GALNT18: variants seen among roughly 807,000 people sequenced by gnomAD.
The protein encoded by GALNT18 is GalNAc-transferase 18.
In GALNT18, 44 loss-of-function variants were observed where a neutral mutation model predicts 69.5. The ratio of observed to expected loss-of-function variants is 0.63; its 90% CI spans 0.50 to 0.81. The LOEUF (loss-of-function observed/expected upper bound fraction) is 0.81. GALNT18 is among the 40% of genes least tolerant of loss of function. GALNT18 has a pLI of 0.00. For synonymous variants in GALNT18, 364 were observed against 318.2 expected (o/e 1.14, Z -1.53); for missense variants, 715 against 810.0 (o/e 0.88, Z 1.42).
rs576715819 is a variant in GALNT18, at chr11:11,377,156, G to C, written c.977+26C>G. 29 of 1,606,758 alleles carry C rather than the reference G, an allele frequency of 1.8e-5. 1 individual carries two copies. The South Asian group carries it at 2.8e-4, about 15-fold the overall frequency. On this transcript the variant is annotated intron_variant, in intron 5 of 10. Coordinates refer to ENST00000227756, the MANE Select transcript of GALNT18 (RefSeq NM_198516.3). This position sits in a 1 kb window ranked among gnomAD's most constrained non-coding sequence, Gnocchi z 4.6. ...CCTAGCCTGGAGGTCAAAGCGGAGA[G>C]ACCCACAGGTAAAGGTTTGCTTTAC...
At chr11:11,273,361 C>CA (rs34932447) in intron 10 of GALNT18, among the ~76,000 whole-genome samples, 53,741 of 151,996 alleles carry the variant, frequency 0.35, 10,483 homozygotes, top group Non-Finnish European at 0.45. Flanking sequence ...AGCAAGAAGG[C>CA]AAAAAATCCA....
Position 11,620,095 on chromosome 11 carries a change from A to T in GALNT18, c.235+1264T>A, listed in dbSNP as rs902791129. Among the ~76,000 whole-genome samples, 3 of 147,702 alleles carry T rather than the reference A, an allele frequency of 2.0e-5. No homozygotes were observed. The highest frequency in any genetic ancestry group is 7.5e-5 in the African/African-American group (3 of 40,200). On this transcript the variant is annotated intron_variant, in intron 1 of 10. Transcript: ENST00000227756. This position sits in a 1 kb window ranked among gnomAD's most constrained non-coding sequence, Gnocchi z 6.9. ...AAGAGCAGCAGGTGCAAGGATTGGA[A>T]TTCAGACATCCACGTGTAAACAAAA...
chr11:11,579,774 G>A (rs1032382011), intron 1 of GALNT18, among the ~76,000 whole-genome samples: 9 of 152,204 alleles, frequency 5.9e-5, no homozygotes, highest in African/African-American at 1.9e-4. Context: ...AAATCAATGT[G>A]CTAAGCCCTG....
rs765810182 is a variant in GALNT18, at chr11:11,271,297, G to T, written c.1678-7C>A. ...GGTTCTGGATGGGTCCTCCCTAGGG[G>T]CCAGGGCAGACAGTGGGGTCAGAGG... On this transcript the variant is annotated splice_polypyrimidine_tract_variant and splice_region_variant and intron_variant, in intron 10 of 10. Transcript: ENST00000227756. 2 of 1,612,404 alleles carry T rather than the reference G, an allele frequency of 1.2e-6. No individual in the cohort carries two copies. The highest frequency in any genetic ancestry group is 1.3e-5 in the African/African-American group (1 of 74,912).
rs1850170677 is a variant in GALNT18, at chr11:11,339,712, T to A, written c.1278+1107A>T. ...ATATTTCTCCGCTCCTCATTCTTGCTCCCAACTGCTGAAACCTCACTGATT... is the reference window on the plus strand; with the variant it reads ...ATATTTCTCCGCTCCTCATTCTTGCACCCAACTGCTGAAACCTCACTGATT... On this transcript the variant is annotated intron_variant, in intron 7 of 10. Coordinates refer to ENST00000227756, the MANE Select transcript of GALNT18 (RefSeq NM_198516.3). This position sits in a 1 kb window ranked among gnomAD's most constrained non-coding sequence, Gnocchi z 5.2. Among the ~76,000 whole-genome samples the A allele has an allele frequency of 6.6e-6, 1 of 152,150 alleles. No individual in the cohort carries two copies. The highest frequency in any genetic ancestry group is 2.4e-5 in the African/African-American group (1 of 41,422).
At chr11:11,311,657 G>GC (rs1849675829) in intron 9 of GALNT18, among the ~76,000 whole-genome samples, 1 of 152,124 alleles carries the variant, frequency 6.6e-6, no homozygotes, top group Non-Finnish European at 1.5e-5. Flanking sequence ...ATAGCAACTG[G>GC]CCCATCATTA....
intron 6 of GALNT18, among the ~76,000 whole-genome samples, chr11:11,357,808 C>A (rs150585858): frequency 1.3e-5 from 2 of 152,144 alleles, no homozygotes; most frequent in African/African-American, 4.8e-5. Flanking sequence ...GAGGGCAAAC[C>A]TAAGTTATCT....
At position 11,341,683 on chromosome 11, in the gene GALNT18, C is replaced by T. The variant is rs967393904; in HGVS notation, c.1093-679G>A. Among the ~76,000 whole-genome samples the T allele has an allele frequency of 4.6e-5, 7 of 152,180 alleles. No homozygotes were observed. Among genetic ancestry groups the T allele is most frequent in the Non-Finnish European group, 1.0e-4 (7 of 68,028 alleles). Reference sequence around the variant, plus strand: ...AATGGGCAGCATCTCAAAGCTCTCGCTACAATCTTTCCAGCCATCCTGACC... The same window carrying T: ...AATGGGCAGCATCTCAAAGCTCTCGTTACAATCTTTCCAGCCATCCTGACC... On this transcript the variant is annotated intron_variant, in intron 6 of 10. Transcript: ENST00000227756. The surrounding 1 kb of genome is among the most constrained non-coding windows in gnomAD (Gnocchi z 6.3).
chr11:11,422,213 G>A (rs1319408581), intron 3 of GALNT18, among the ~76,000 whole-genome samples: 1 of 152,208 alleles, frequency 6.6e-6, no homozygotes, highest in Non-Finnish European at 1.5e-5. Flanking sequence ...GTAAGAGCTT[G>A]GGAAAGTGCT....
At chr11:11,446,123 A>T (rs916281799) in intron 2 of GALNT18, among the ~76,000 whole-genome samples, 3 of 152,072 alleles carry the variant, frequency 2.0e-5, no homozygotes, top group Non-Finnish European at 2.9e-5. Flanking sequence ...TCAGTTGCTT[A>T]TCTGACTGTG....
intron 1 of GALNT18, among the ~76,000 whole-genome samples, chr11:11,498,721 C>T (rs977030306): frequency 4.6e-5 from 7 of 152,144 alleles, no homozygotes; most frequent in African/African-American, 1.7e-4. Flanking sequence ...ATTGCTTGAA[C>T]CCGGGAGGCA....
intron 1 of GALNT18, among the ~76,000 whole-genome samples, chr11:11,520,575 T>C (rs1426649012): frequency 6.6e-6 from 1 of 152,166 alleles, no homozygotes; most frequent in Non-Finnish European, 1.5e-5. Context: ...TGGGCTGGCT[T>C]CCTGTGAGGC....
rs983791611 is a variant in GALNT18, at chr11:11,415,860, T to C, written c.595+16761A>G. 6.6e-6 allele frequency among the ~76,000 whole-genome samples: 1 copy of C among 152,300 alleles called. No homozygotes were observed. On this transcript the variant is annotated intron_variant, in intron 3 of 10. Transcript: ENST00000227756. This position sits in a 1 kb window ranked among gnomAD's most constrained non-coding sequence, Gnocchi z 4.1. ...AACGCTCTCCACTGTTGGACTCACA[T>C]GTCATAGGAATATGGAGTACACAGG... is the stretch of plus-strand genomic sequence containing the variant.
intron 1 of GALNT18, among the ~76,000 whole-genome samples, chr11:11,534,029 C>T (rs1034622421): frequency 7.2e-5 from 11 of 152,210 alleles, no homozygotes; most frequent in African/African-American, 1.9e-4. Context: ...CACGCAGCCT[C>T]ATCACACCCC....
At chr11:11,281,728 A>T (rs1849079068) in intron 10 of GALNT18, among the ~76,000 whole-genome samples, 1 of 129,442 alleles carries the variant, frequency 7.7e-6, no homozygotes, top group African/African-American at 2.8e-5. Context: ...CCACAGCCTC[A>T]GCACCCTAGA....
Position 11,577,952 on chromosome 11 carries a change from A to T in GALNT18, c.235+43407T>A, listed in dbSNP as rs1189992939. Reference sequence around the variant, plus strand: ...AAAGGGCAAGAAGCAATTTGATAGGAGAAGGAGAAAGCCAGCCTCAGCTCC... The same window carrying T: ...AAAGGGCAAGAAGCAATTTGATAGGTGAAGGAGAAAGCCAGCCTCAGCTCC... On this transcript the variant is annotated intron_variant, in intron 1 of 10. Transcript: ENST00000227756. Among the ~76,000 whole-genome samples the T allele has an allele frequency of 2.6e-5, 4 of 152,116 alleles. No homozygotes were observed. The East Asian group carries it at 7.8e-4, about 30-fold the overall frequency.
At chr11:11,530,065 AC>A (rs1374873205) in intron 1 of GALNT18, among the ~76,000 whole-genome samples, 1 of 151,984 alleles carries the variant, frequency 6.6e-6, no homozygotes, top group Non-Finnish European at 1.5e-5. Context: ...CCTTAATTGC[AC>A]CCCAGGGCCA....
rs573208554 is a variant in GALNT18, at chr11:11,590,426, C to T, written c.235+30933G>A. 2.6e-5 allele frequency among the ~76,000 whole-genome samples: 4 copies of T among 152,326 alleles called. No individual in the cohort carries two copies. The highest frequency in any genetic ancestry group is 2.1e-4 in the South Asian group (1 of 4,824). On this transcript the variant is annotated intron_variant, in intron 1 of 10. Transcript: ENST00000227756. The surrounding 1 kb of genome is among the most constrained non-coding windows in gnomAD (Gnocchi z 4.4). ...GTAAGTGAGGGATATTTTCATTGTA[C>T]TGGTTAAAGCCACTGGTTTGGAAGT...
chr11:11,384,539 C>G (rs1057180125), intron 3 of GALNT18, among the ~76,000 whole-genome samples: 1 of 152,250 alleles, frequency 6.6e-6, no homozygotes, highest in South Asian at 2.1e-4. Flanking sequence ...AAAGGCCACA[C>G]TTCTTAATGT....
Sources: allele counts gnomAD v4.1 joint callset (sites outside exome capture counted in the v4.1 genomes callset), GRCh38; gene constraint gnomAD v4.1.1; non-coding constraint Gnocchi (gnomAD v3.1); transcripts MANE v1.5; gene names NCBI Gene and HGNC (gene_info 2026-07-23, HGNC 2026-07-21).